Variants in PXDNL observed in about 807,000 individuals in gnomAD.
PXDNL encodes probable oxidoreductase PXDNL.
In PXDNL, 145 loss-of-function variants were observed where a neutral mutation model predicts 150.8. That is an observed-to-expected ratio of 0.96 (90% confidence interval 0.84 to 1.10). The LOEUF (loss-of-function observed/expected upper bound fraction) is 1.10, where lower values mean the gene tolerates loss of function less well. PXDNL is among the 50% of genes least tolerant of loss of function. The probability of loss-of-function intolerance (pLI) is 0.00; values close to 1 mark genes in which losing one functional copy is unlikely to be tolerated. For missense variants in PXDNL, 2,087 were observed against 1,873.9 expected, an observed-to-expected ratio of 1.11 and a Z score of -2.10; for synonymous variants, 757 against 725.7, an observed-to-expected ratio of 1.04 and a Z score of -0.69.
chr8:51,733,534 A>T (rs1026326332), intron 1 of PXDNL, among the ~76,000 whole-genome samples: 18 of 152,130 alleles, frequency 1.2e-4, no homozygotes, highest in African/African-American at 3.6e-4. Context: ...CAGGCCAGGT[A>T]TGGTAGCTGA....
chr8:51,555,448 A>G (rs968262240), intron 4 of PXDNL, among the ~76,000 whole-genome samples: 2 of 152,224 alleles, frequency 1.3e-5, no homozygotes, highest in African/African-American at 2.4e-5. Context: ...AAGGAAATTA[A>G]TAAGAGACAA....
intron 17 of PXDNL, among the ~76,000 whole-genome samples, chr8:51,392,232 G>C (rs1338519624): frequency 6.6e-6 from 1 of 152,034 alleles, no homozygotes; most frequent in African/African-American, 2.4e-5. Context: ...GCTCTTTTTT[G>C]GTTCCATATG....
intron 2 of PXDNL, among the ~76,000 whole-genome samples, chr8:51,625,887 C>T (rs1317430514): frequency 6.6e-6 from 1 of 152,162 alleles, no homozygotes; most frequent in Non-Finnish European, 1.5e-5. Context: ...ACTTACTTAA[C>T]AGCCAAGCGA....
At chr8:51,689,646 G>T (rs1166090151) in intron 1 of PXDNL, among the ~76,000 whole-genome samples, 1 of 152,038 alleles carries the variant, frequency 6.6e-6, no homozygotes, top group Non-Finnish European at 1.5e-5. Context: ...TGAAGGAAGA[G>T]AAGACAGACC....
intron 19 of PXDNL, among the ~76,000 whole-genome samples, chr8:51,364,596 C>T (rs1044094418): frequency 6.6e-5 from 10 of 152,202 alleles, no homozygotes; most frequent in African/African-American, 2.4e-4. Context: ...ATATTGAAGC[C>T]AGCCTTATAT....
At chr8:51,388,223 C>T (rs1349635304) in intron 17 of PXDNL, among the ~76,000 whole-genome samples, 1 of 152,014 alleles carries the variant, frequency 6.6e-6, no homozygotes, top group Non-Finnish European at 1.5e-5. Context: ...TATTCGAAGA[C>T]CAAATAGAAA....
Position 51,408,899 on chromosome 8 carries a change from C to T in PXDNL, c.2725G>A (p.Ala909Thr). 6.2e-7 allele frequency: 1 copy of T among 1,607,658 alleles called. No individual in the cohort carries two copies. The highest frequency in any genetic ancestry group is 8.5e-7 in the Non-Finnish European group (1 of 1,177,190). The change falls in exon 17 of 23, where the codon GCT (alanine) becomes ACT (threonine). Residue 909 changes from alanine (A) to threonine (T), a missense_variant. Physicochemically the swap from Ala to Thr is moderately conservative, Grantham distance 58. Transcript: ENST00000356297. ...VYGSSERESQ[A>T]LRDPSVPRGL... ...CGAGGCACCGAAGGGTCTCTGAGAG[C>T]CTGGGATTCCCGCTCCGAGCTCCCG... is the stretch of plus-strand genomic sequence containing the variant.
chr8:51,706,032 G>A (rs977319092), intron 1 of PXDNL, among the ~76,000 whole-genome samples: 4 of 152,290 alleles, frequency 2.6e-5, no homozygotes, highest in Non-Finnish European at 4.4e-5. Flanking sequence ...AAGACTTGGC[G>A]GGGTGCAGTG....
rs1345327483 is a variant in PXDNL, at chr8:51,411,337, C to G, written c.1975G>C (p.Ala659Pro). 1.3e-6 allele frequency: 2 copies of G among 1,590,202 alleles called. No homozygotes were observed. The highest frequency in any genetic ancestry group is 1.7e-6 in the Non-Finnish European group (2 of 1,170,562). ...YPRDPLIVEMARAGEIFEHTL... is the reference protein window; with the variant it reads ...YPRDPLIVEMPRAGEIFEHTL... ...TGCTCAAAAATCTCCCCTGCTCTTG[C>G]CATTTCCACAATCAGTGGGTCACGC... Residue 659 changes from alanine to proline, a missense_variant, in exon 16 of 23, where the codon GCA (alanine) becomes CCA (proline). Ala to Pro is a conservative substitution (Grantham distance 27, BLOSUM62 -1). Coordinates refer to ENST00000356297, the MANE Select transcript of PXDNL (RefSeq NM_144651.5).
At chr8:51,497,687 T>C (rs1811084761) in intron 5 of PXDNL, among the ~76,000 whole-genome samples, 2 of 152,136 alleles carry the variant, frequency 1.3e-5, no homozygotes, top group African/African-American at 2.4e-5. Context: ...AAAATGCTCA[T>C]CATCATTGGC....
chr8:51,681,523 G>A (rs1320174888), intron 1 of PXDNL, among the ~76,000 whole-genome samples: 8 of 152,214 alleles, frequency 5.3e-5, no homozygotes, highest in Non-Finnish European at 8.8e-5. Flanking sequence ...GGGGCCCTCA[G>A]CCCACATGCT....
At chr8:51,471,333 A>G (rs189367857) in intron 8 of PXDNL, among the ~76,000 whole-genome samples, 1 of 152,272 alleles carries the variant, frequency 6.6e-6, no homozygotes, top group African/African-American at 2.4e-5. Context: ...CTTTTTTAAC[A>G]TTTGTTATTA....
intron 1 of PXDNL, among the ~76,000 whole-genome samples, chr8:51,761,182 T>G (rs2037163098): frequency 6.6e-6 from 1 of 151,884 alleles, no homozygotes; most frequent in Non-Finnish European, 1.5e-5. Flanking sequence ...CTGAAATCAC[T>G]TAAACTGTTT....
chr8:51,722,896 G>A (rs768684169), intron 1 of PXDNL, among the ~76,000 whole-genome samples: 1 of 152,008 alleles, frequency 6.6e-6, no homozygotes, highest in South Asian at 2.1e-4. Context: ...GGGTTTCCAA[G>A]CTTGGGGGTG....
chr8:51,457,380 TA>T (rs904675258), intron 9 of PXDNL, 117 bp downstream of exon 9: 1 of 849,320 alleles, frequency 1.2e-6, no homozygotes, highest in Non-Finnish European at 1.7e-6. Flanking sequence ...AAACAAAATT[TA>T]AAAAATCACA....
chr8:51,390,736 CTTTTT>C (rs113916303), intron 17 of PXDNL, among the ~76,000 whole-genome samples: 1 of 148,010 alleles, frequency 6.8e-6, no homozygotes, highest in Non-Finnish European at 1.5e-5. Context: ...CACAGATTTT[CTTTTT>C]TTTTTATTTT....
intron 12 of PXDNL, among the ~76,000 whole-genome samples, chr8:51,440,766 A>C (rs373723467): frequency 3.9e-5 from 6 of 152,218 alleles, no homozygotes; most frequent in African/African-American, 9.7e-5. Flanking sequence ...AAAACACAGC[A>C]GGGTATTAAG....
At chr8:51,375,097 T>C (rs1807263273) in intron 17 of PXDNL, among the ~76,000 whole-genome samples, 1 of 152,184 alleles carries the variant, frequency 6.6e-6, no homozygotes, top group Admixed American at 6.5e-5. Flanking sequence ...CCTTCAGAAA[T>C]ACATAGAAAA....
At chr8:51,427,518 A>G (rs554275769) in intron 12 of PXDNL, among the ~76,000 whole-genome samples, 2 of 152,326 alleles carry the variant, frequency 1.3e-5, no homozygotes, top group East Asian at 3.9e-4. Flanking sequence ...AGCAAATAGA[A>G]TTTATCAATA....
Sources: allele counts gnomAD v4.1 joint callset (sites outside exome capture counted in the v4.1 genomes callset), GRCh38; gene constraint gnomAD v4.1.1; transcripts MANE v1.5; gene names NCBI Gene and HGNC (gene_info 2026-07-23, HGNC 2026-07-21).